FMN1: variants seen among roughly 807,000 people sequenced by gnomAD.
The protein encoded by FMN1 is formin-1.
FMN1 carries 110 observed loss-of-function variants against 132.4 expected under a neutral mutation model. That is an observed-to-expected ratio of 0.83 (90% CI 0.71 to 0.97). The LOEUF is 0.97. Ranked by LOEUF, FMN1 falls within the 50% of genes least tolerant of loss-of-function variation. The pLI is 0.00. For missense variants in FMN1, 1,792 were observed against 1,705.3 expected (o/e 1.05, Z -0.90); for synonymous variants, 722 against 651.7 (o/e 1.11, Z -1.64).
At chr15:33,104,490 C>T (rs529476647) in intron 4 of FMN1, among the ~76,000 whole-genome samples, 1 of 127,122 alleles carries the variant, frequency 7.9e-6, no homozygotes, top group South Asian at 2.6e-4. Context: ...GTTTGAAAGC[C>T]ACAACCACCC....
At chr15:33,067,186 G>T (rs778894155) in intron 5 of FMN1, 1 of 1,613,592 alleles carries the variant, frequency 6.2e-7, no homozygotes. Flanking sequence ...CTCCCACCTG[G>T]TCCTGGCTGG....
chr15:32,789,678 C>G (rs143174295), intron 19 of FMN1, among the ~76,000 whole-genome samples: 3 of 152,118 alleles, frequency 2.0e-5, no homozygotes, highest in Non-Finnish European at 4.4e-5. Context: ...ATATTCTAGG[C>G]CTTCAGATTC....
Position 33,153,228 on chromosome 15 carries a change from A to G in FMN1, c.1687T>C (p.Ser563Pro), listed in dbSNP as rs73380694. ...AAGGTGTCAGCAGAGACGCACCCAG[A>G]GAAGACACGGCTCTTTCTACAAGGA... is the stretch of plus-strand genomic sequence containing the variant. ...DSPCRKSRVF[S>P]GCVSADTLEP... is the part of the protein sequence containing the mutation. Residue 563 changes from serine (S) to proline (P), a missense_variant, in exon 4 of 21, where the codon TCT (serine) becomes CCT (proline). Physicochemically the swap from Ser to Pro is moderately conservative, Grantham distance 74 (BLOSUM62 -1). Coordinates refer to ENST00000616417, the MANE Select transcript of FMN1 (RefSeq NM_001277313.2). 1.9e-3 allele frequency: 2,984 copies of G among 1,536,054 alleles called. 43 individuals carry two copies. In the African/African-American group the frequency reaches 0.036, roughly 19 times the overall value.
At chr15:32,881,773 A>T (rs981672652) in intron 16 of FMN1, among the ~76,000 whole-genome samples, 1 of 152,212 alleles carries the variant, frequency 6.6e-6, no homozygotes, top group Non-Finnish European at 1.5e-5. Context: ...TCTTGAGCAC[A>T]GGAAGCATAG....
At chr15:32,866,855 G>A (rs752205956) in intron 16 of FMN1, among the ~76,000 whole-genome samples, 47 of 152,152 alleles carry the variant, frequency 3.1e-4, no homozygotes, top group Non-Finnish European at 6.0e-4. Flanking sequence ...GTCCCTTAGC[G>A]TCTGTGTTCC....
At chr15:32,879,161 C>T (rs2059704419) in intron 16 of FMN1, among the ~76,000 whole-genome samples, 1 of 152,198 alleles carries the variant, frequency 6.6e-6, no homozygotes, top group African/African-American at 2.4e-5. Flanking sequence ...ACACCCACTG[C>T]TTTTCTGAAA....
chr15:32,976,498 T>C (rs1464657481), intron 7 of FMN1, among the ~76,000 whole-genome samples: 1 of 152,162 alleles, frequency 6.6e-6, no homozygotes, highest in Non-Finnish European at 1.5e-5. Flanking sequence ...AAAACAAAAG[T>C]TTCTATTAAT....
Position 32,777,776 on chromosome 15 carries a change from GTATAATACATTTATATATTATGTATAA to G in FMN1, c.4131-884_4131-858del, listed in dbSNP as rs1207775005. 3.2e-5 allele frequency among the ~76,000 whole-genome samples: 4 copies of G among 126,856 alleles called. No homozygotes were observed. In the Admixed American group the frequency reaches 3.4e-4, roughly 11 times the overall value. The allele number at this position is 126,856 out of a possible 152,430, so 83.2% of individuals were successfully genotyped here. On this transcript the variant is annotated intron_variant, in intron 19 of 20. Coordinates refer to ENST00000616417, the MANE Select transcript of FMN1 (RefSeq NM_001277313.2). ...TATGTATAATACATTTATATACTAT[GTATAATACATTTATATATTATGTATAA>G]TATAATACATTTATTTATATATTAT...
At chr15:32,955,261 T>C (rs558316307) in intron 9 of FMN1, among the ~76,000 whole-genome samples, 96 of 152,326 alleles carry the variant, frequency 6.3e-4, no homozygotes, top group South Asian at 2.1e-3. Context: ...TCCAAGGTCA[T>C]TGAGACTTCT....
At chr15:33,051,032 G>A (rs932870359) in intron 6 of FMN1, among the ~76,000 whole-genome samples, 1 of 152,196 alleles carries the variant, frequency 6.6e-6, no homozygotes, top group African/African-American at 2.4e-5. Flanking sequence ...GTATTCATGA[G>A]TGCATATACA....
intron 9 of FMN1, among the ~76,000 whole-genome samples, chr15:32,929,999 T>TA (rs1289708680): frequency 7.3e-6 from 1 of 137,782 alleles, no homozygotes; most frequent in African/African-American, 2.8e-5. Flanking sequence ...TTTTTTTTTT[T>TA]TTTTTTTTGA....
At chr15:32,959,228 C>T (rs1187419069) in intron 9 of FMN1, among the ~76,000 whole-genome samples, 1 of 152,118 alleles carries the variant, frequency 6.6e-6, no homozygotes, top group African/African-American at 2.4e-5. Flanking sequence ...GGAACCATTC[C>T]ATGATCCAGC....
chr15:33,126,007 A>G (rs868565804), intron 4 of FMN1, among the ~76,000 whole-genome samples: 14 of 124,044 alleles, frequency 1.1e-4, no homozygotes, highest in African/African-American at 3.7e-4. Context: ...AAATCTACAC[A>G]TGAGATAACA....
intron 13 of FMN1, 98 bp downstream of exon 13, chr15:32,901,813 T>C (rs1017350203): frequency 2.2e-6 from 2 of 929,866 alleles, no homozygotes; most frequent in African/African-American, 3.4e-5. Flanking sequence ...ACAATCTGAG[T>C]CCAAAAAGGT....
chr15:33,061,434 C>T (rs1012297815), intron 6 of FMN1, among the ~76,000 whole-genome samples: 18 of 151,850 alleles, frequency 1.2e-4, no homozygotes, highest in African/African-American at 3.6e-4. Flanking sequence ...TACATATATA[C>T]AAATATATAT....
chr15:32,862,915 T>G (rs1184502181), intron 16 of FMN1, among the ~76,000 whole-genome samples: 1 of 152,212 alleles, frequency 6.6e-6, no homozygotes, highest in African/African-American at 2.4e-5. Context: ...CCTTCCACAG[T>G]CCTGCGCCAG....
intron 7 of FMN1, among the ~76,000 whole-genome samples, chr15:33,004,146 T>C (rs1309795706): frequency 2.0e-5 from 3 of 152,180 alleles, no homozygotes; most frequent in Non-Finnish European, 4.4e-5. Context: ...AAGGACTTCA[T>C]GTCTAAAACA....
At chr15:32,854,996 G>A (rs941015883) in intron 17 of FMN1, among the ~76,000 whole-genome samples, 4 of 151,524 alleles carry the variant, frequency 2.6e-5, no homozygotes, top group African/African-American at 9.7e-5. Context: ...TATTCCTTGG[G>A]ACAGAGTGTA....
chr15:32,823,549 A>G (rs551538990), intron 17 of FMN1, among the ~76,000 whole-genome samples: 5 of 152,284 alleles, frequency 3.3e-5, no homozygotes, highest in Admixed American at 3.3e-4. Context: ...AAATGCCGTT[A>G]TTCCAAGAAA....
Sources: allele counts gnomAD v4.1 joint callset (sites outside exome capture counted in the v4.1 genomes callset), GRCh38; gene constraint gnomAD v4.1.1; transcripts MANE v1.5; gene names NCBI Gene and HGNC (gene_info 2026-07-23, HGNC 2026-07-21).